The following COL15A1 variants were observed in gnomAD, a reference collection of about 807,000 sequenced individuals.
COL15A1 encodes the protein collagen type XV alpha 1 chain.
A neutral mutation model predicts 165.9 loss-of-function variants in COL15A1; 111 were observed. The ratio of observed to expected loss-of-function variants is 0.67; its 90% CI spans 0.57 to 0.78. The LOEUF (loss-of-function observed/expected upper bound fraction) is 0.78, where lower values mean the gene tolerates loss of function less well. Among genes scored for constraint, COL15A1 ranks in the 30% least tolerant of loss-of-function variants. The pLI, the probability that COL15A1 is intolerant of heterozygous loss-of-function variation, is 0.00. For missense variants in COL15A1, 1,745 were observed against 1,789.7 expected (o/e 0.98, Z 0.45); for synonymous variants, 659 against 674.8 (o/e 0.98, Z 0.36).
At chr9:99,043,884 T>C (rs542036857) in intron 24 of COL15A1, among the ~76,000 whole-genome samples, 2 of 152,248 alleles carry the variant, frequency 1.3e-5, no homozygotes, top group African/African-American at 4.8e-5. Flanking sequence ...GAGGACAGGA[T>C]TGGGGTCAGG....
In COL15A1 at chr9:99,035,399, C is replaced by A; in HGVS notation, c.2270C>A (p.Ser757Tyr). ...CAGCTATTGAATGAACCCAAACTCT[C>A]CAGACCAACGGCTGCAATTGTAGGT... is the stretch of plus-strand genomic sequence containing the variant. ...STQLLNEPKL[S>Y]RPTAAIGLKG... Residue 757 changes from serine to tyrosine, a missense_variant, in exon 19 of 42, where the codon TCC becomes TAC. By Grantham distance (144) the Ser-to-Tyr change is moderately radical. Coordinates refer to ENST00000375001, the MANE Select transcript of COL15A1 (RefSeq NM_001855.5). The A allele has an allele frequency of 6.2e-7, 1 of 1,614,180 alleles. No homozygotes were observed.
At chr9:98,956,017 G>A (rs1291281663) in intron 2 of COL15A1, among the ~76,000 whole-genome samples, 1 of 152,184 alleles carries the variant, frequency 6.6e-6, no homozygotes, top group African/African-American at 2.4e-5. Flanking sequence ...AAAATACCAA[G>A]GGTATGGCTG....
chr9:99,008,341 A>G (rs1838796314), intron 9 of COL15A1, among the ~76,000 whole-genome samples: 1 of 151,936 alleles, frequency 6.6e-6, no homozygotes, highest in South Asian at 2.1e-4. Flanking sequence ...TAGACAAGGT[A>G]TGAGGCCAGC....
At chr9:99,061,902 G>A in intron 36 of COL15A1, 69 bp from the exon 37 acceptor site, 1 of 1,544,864 alleles carries the variant, frequency 6.5e-7, no homozygotes, top group Non-Finnish European at 8.7e-7. Context: ...TTACAGAGAG[G>A]CCAGGTTATC....
At chr9:99,025,082 A>G (rs577557897) in intron 15 of COL15A1, 83 bp downstream of exon 15, 2 of 1,264,434 alleles carry the variant, frequency 1.6e-6, no homozygotes, top group South Asian at 1.4e-5. Flanking sequence ...TGCAAAACCC[A>G]GCACTGTCCA....
intron 32 of COL15A1, 92 bp downstream of exon 32, chr9:99,054,748 C>A: frequency 7.3e-7 from 1 of 1,377,458 alleles, no homozygotes; most frequent in South Asian, 1.4e-5. Flanking sequence ...GAGGGTAAGA[C>A]TAATGACATT....
At chr9:99,046,633 A>T (rs962336248) in intron 26 of COL15A1, among the ~76,000 whole-genome samples, 1 of 152,204 alleles carries the variant, frequency 6.6e-6, no homozygotes, top group Non-Finnish European at 1.5e-5. Flanking sequence ...AATGCCAGAC[A>T]CTTACAAAAC....
Position 98,960,569 on chromosome 9 carries a change from A to T in COL15A1, c.100+16319A>T, listed in dbSNP as rs1459327364. On this transcript the variant is annotated intron_variant, in intron 2 of 41. Coordinates refer to ENST00000375001, the MANE Select transcript of COL15A1 (RefSeq NM_001855.5). Reference sequence around the variant, plus strand: ...TGTGTGGCACTCAAGTGTAAGCTGCAGTGCTGTGTAGCTTGGAGGGCAAGT... The same window carrying T: ...TGTGTGGCACTCAAGTGTAAGCTGCTGTGCTGTGTAGCTTGGAGGGCAAGT... 4.6e-5 allele frequency among the ~76,000 whole-genome samples: 7 copies of T among 152,154 alleles called. No homozygotes were observed. The East Asian group carries it at 1.4e-3, about 29-fold the overall frequency.
intron 2 of COL15A1, among the ~76,000 whole-genome samples, chr9:98,951,369 C>A (rs542488655): frequency 6.6e-6 from 1 of 152,232 alleles, no homozygotes; most frequent in South Asian, 2.1e-4. Context: ...AATCATGATG[C>A]TTCCTAGTAT....
intron 2 of COL15A1, among the ~76,000 whole-genome samples, chr9:98,963,323 G>A (rs1196814156): frequency 1.3e-5 from 2 of 152,168 alleles, no homozygotes; most frequent in African/African-American, 2.4e-5. Flanking sequence ...GGGAACCTGA[G>A]GCCTCAGAAA....
chr9:99,004,869 G>A (rs1838729011), intron 8 of COL15A1, 29 bp from the exon 9 acceptor site: 1 of 1,613,688 alleles, frequency 6.2e-7, no homozygotes, highest in South Asian at 1.1e-5. Flanking sequence ...ATGGGGCACT[G>A]ACGCGGTTCC....
At position 98,974,313 on chromosome 9, in the gene COL15A1, C is replaced by T. The variant is rs565756285; in HGVS notation, c.101-11252C>T. ...GAGCTGCACTGTCCCACACAGTCTG[C>T]GGTTGCTGAACTCCTGTCCCTCCAG... On this transcript the variant is annotated intron_variant, in intron 2 of 41. Transcript: ENST00000375001. 3.7e-4 allele frequency among the ~76,000 whole-genome samples: 56 copies of T among 152,238 alleles called. 1 individual carries two copies. The South Asian group carries it at 0.01, about 28-fold the overall frequency.
At chr9:98,973,945 C>T (rs936484242) in intron 2 of COL15A1, among the ~76,000 whole-genome samples, 2 of 152,208 alleles carry the variant, frequency 1.3e-5, no homozygotes, top group African/African-American at 4.8e-5. Context: ...GATATTGAAC[C>T]TGAGGCTCAG....
rs758313397 is a variant in COL15A1, at chr9:98,944,248, C to T, written c.98C>T (p.Thr33Ile). Reference protein sequence around the residue: ...LPAVTQTRGATETASQGHLDL... With the variant: ...LPAVTQTRGAIETASQGHLDL... ...GCTGTCACCCAGACCCGCGGTGCGA[C>T]AGGTAAGCAACCCGGTCGGAGGGTG... Residue 33 changes from threonine to isoleucine, a missense_variant and splice_region_variant, in exon 2 of 42, where the codon ACA (threonine) becomes ATA (isoleucine). By Grantham distance (89) the Thr-to-Ile change is moderately conservative. Transcript: ENST00000375001. 14 of 1,613,616 alleles carry T rather than the reference C, an allele frequency of 8.7e-6. No individual in the cohort carries two copies. In the South Asian group the frequency reaches 1.4e-4, roughly 16 times the overall value.
rs1825701674 is a variant in COL15A1, at chr9:99,055,298, G to T, written c.3118G>T (p.Gly1040Ter). Residue 1040 changes from glycine to a stop codon, truncating the protein, a stop_gained, in exon 34 of 42, where the codon GGA becomes TGA. Coordinates refer to ENST00000375001, the MANE Select transcript of COL15A1 (RefSeq NM_001855.5). LOFTEE classifies it high-confidence loss of function. ...NGDKGFKGEKGEKGDINGSFL... is the reference protein window; with the variant it reads ...NGDKGFKGEK ...AGACAAGGGGTTCAAAGGTGAAAAA[G>T]GAGAAAAAGGAGACATTAATGGCAG... is the stretch of plus-strand genomic sequence containing the variant. The T allele has an allele frequency of 5.6e-6, 9 of 1,613,820 alleles. No homozygotes were observed. The highest frequency in any genetic ancestry group is 7.6e-6 in the Non-Finnish European group (9 of 1,179,722).
intron 11 of COL15A1, among the ~76,000 whole-genome samples, chr9:99,016,989 G>A (rs1008757453): frequency 5.3e-5 from 8 of 152,178 alleles, no homozygotes; most frequent in African/African-American, 1.7e-4. Context: ...CTCCTATAGC[G>A]GTTATCACGC....
At chr9:99,064,102 C>T (rs1825858870) in intron 39 of COL15A1, among the ~76,000 whole-genome samples, 1 of 151,922 alleles carries the variant, frequency 6.6e-6, no homozygotes, top group Non-Finnish European at 1.5e-5. Context: ...CTTTCTTCCT[C>T]CCAACCTCAC....
chr9:99,062,722 C>T (rs561718682), intron 38 of COL15A1, among the ~76,000 whole-genome samples: 79 of 152,318 alleles, frequency 5.2e-4, no homozygotes, highest in African/African-American at 1.8e-3. Context: ...CTATCATCCC[C>T]GTTTTGCAGA....
At chr9:99,053,789 C>G (rs983816576) in intron 31 of COL15A1, among the ~76,000 whole-genome samples, 4 of 151,742 alleles carry the variant, frequency 2.6e-5, no homozygotes, top group African/African-American at 9.7e-5. Context: ...ATTGAGAAAG[C>G]CTGAGTCGCT....
Sources: allele counts gnomAD v4.1 joint callset (sites outside exome capture counted in the v4.1 genomes callset), GRCh38; gene constraint gnomAD v4.1.1; transcripts MANE v1.5; gene names NCBI Gene and HGNC (gene_info 2026-07-23, HGNC 2026-07-21).